CNTNAP5: variants seen among roughly 807,000 people sequenced by gnomAD.
CNTNAP5 encodes contactin associated protein family member 5.
A neutral mutation model predicts 150.2 loss-of-function variants in CNTNAP5; 72 were observed. That is an observed-to-expected ratio of 0.48 (90% CI 0.40 to 0.58). The LOEUF (loss-of-function observed/expected upper bound fraction) is 0.58. Ranked by LOEUF, CNTNAP5 falls within the 20% of genes least tolerant of loss-of-function variation. The probability of loss-of-function intolerance (pLI) is 0.00; values close to 1 mark genes in which losing one functional copy is unlikely to be tolerated. For missense variants in CNTNAP5, 1,636 were observed against 1,626.2 expected (o/e 1.01, Z -0.10); for synonymous variants, 672 against 619.8 (o/e 1.08, Z -1.25).
intron 22 of CNTNAP5, among the ~76,000 whole-genome samples, chr2:124,909,990 C>T (rs1015755853): frequency 1.3e-5 from 2 of 151,628 alleles, no homozygotes; most frequent in African/African-American, 2.4e-5. Context: ...TGAATACCTG[C>T]TCCATGGCCA....
At chr2:124,501,618 G>A (rs1694281481) in intron 7 of CNTNAP5, among the ~76,000 whole-genome samples, 1 of 152,154 alleles carries the variant, frequency 6.6e-6, no homozygotes, top group South Asian at 2.1e-4. Context: ...AGTCCATGTT[G>A]ATTTCAAAAG....
chr2:124,312,801 A>G (rs1441290036), intron 3 of CNTNAP5, among the ~76,000 whole-genome samples: 1 of 152,058 alleles, frequency 6.6e-6, no homozygotes, highest in Non-Finnish European at 1.5e-5. Context: ...CCATCTCCTG[A>G]CCTCGTGATC....
intron 3 of CNTNAP5, among the ~76,000 whole-genome samples, chr2:124,265,922 C>T (rs1687594513): frequency 6.6e-6 from 1 of 152,076 alleles, no homozygotes; most frequent in Admixed American, 6.6e-5. Flanking sequence ...AGGGGACAAA[C>T]TGCAAAGTCC....
chr2:124,371,274 C>G (rs910906587), intron 3 of CNTNAP5, among the ~76,000 whole-genome samples: 6 of 152,112 alleles, frequency 3.9e-5, no homozygotes, highest in African/African-American at 4.8e-5. Flanking sequence ...TGTCCCGAAC[C>G]TCATTAGGTA....
chr2:124,286,713 T>C (rs1485473387), intron 3 of CNTNAP5, among the ~76,000 whole-genome samples: 1 of 152,156 alleles, frequency 6.6e-6, no homozygotes, highest in African/African-American at 2.4e-5. Context: ...CTCCCCATTT[T>C]CTCTGCATAG....
intron 11 of CNTNAP5, among the ~76,000 whole-genome samples, chr2:124,583,750 G>A (rs1696465739): frequency 6.6e-6 from 1 of 152,132 alleles, no homozygotes; most frequent in African/African-American, 2.4e-5. Flanking sequence ...TCATCTCACC[G>A]GTGAGGCAGT....
chr2:124,770,829 G>A (rs1167190147), intron 16 of CNTNAP5, among the ~76,000 whole-genome samples: 2 of 152,192 alleles, frequency 1.3e-5, no homozygotes, highest in African/African-American at 4.8e-5. Flanking sequence ...GTATGTGCCA[G>A]GCACAGTTCT....
intron 1 of CNTNAP5, among the ~76,000 whole-genome samples, chr2:124,152,192 T>G (rs904922157): frequency 8.5e-5 from 13 of 152,208 alleles, no homozygotes; most frequent in African/African-American, 3.1e-4. Context: ...AAACAGGGCT[T>G]GTCTGACTTT....
At chr2:124,064,282 A>C (rs1682096726) in intron 1 of CNTNAP5, among the ~76,000 whole-genome samples, 1 of 152,182 alleles carries the variant, frequency 6.6e-6, no homozygotes, top group South Asian at 2.1e-4. Flanking sequence ...GGCTTAGAAT[A>C]AAGAGCACTA....
chr2:124,100,944 C>T (rs1304149070), intron 1 of CNTNAP5, among the ~76,000 whole-genome samples: 1 of 150,744 alleles, frequency 6.6e-6, no homozygotes, highest in Admixed American at 6.6e-5. Flanking sequence ...TCAAGATTCT[C>T]AATTCTTAAT....
intron 1 of CNTNAP5, among the ~76,000 whole-genome samples, chr2:124,137,427 A>G (rs1558770448): frequency 6.6e-6 from 1 of 152,124 alleles, no homozygotes; most frequent in Non-Finnish European, 1.5e-5. Context: ...GGTGTAGAGA[A>G]AACTTCAGTG....
intron 6 of CNTNAP5, among the ~76,000 whole-genome samples, chr2:124,466,132 GTTTA>G (rs1265640896): frequency 6.6e-6 from 1 of 151,816 alleles, no homozygotes; most frequent in Non-Finnish European, 1.5e-5. Flanking sequence ...TGCCCTCTTT[GTTTA>G]TTTATTTATT....
At chr2:124,708,434 G>A (rs148515208) in intron 13 of CNTNAP5, among the ~76,000 whole-genome samples, 10 of 152,272 alleles carry the variant, frequency 6.6e-5, no homozygotes, top group African/African-American at 2.4e-4. Context: ...TCATGATCTC[G>A]CTGTCATCTC....
chr2:124,874,949 T>G (rs1677823305), intron 21 of CNTNAP5, among the ~76,000 whole-genome samples: 1 of 152,022 alleles, frequency 6.6e-6, no homozygotes, highest in South Asian at 2.1e-4. Flanking sequence ...ATTTCAATAT[T>G]TACTTGCCTC....
intron 1 of CNTNAP5, among the ~76,000 whole-genome samples, chr2:124,092,285 C>T (rs1298319734): frequency 6.6e-6 from 1 of 152,128 alleles, no homozygotes; most frequent in Non-Finnish European, 1.5e-5. Flanking sequence ...AAGACGATAG[C>T]CATCAAGTAG....
At chr2:124,770,515 C>G (rs1231790952) in intron 16 of CNTNAP5, among the ~76,000 whole-genome samples, 1 of 152,194 alleles carries the variant, frequency 6.6e-6, no homozygotes, top group African/African-American at 2.4e-5. Context: ...CAAATTCTCA[C>G]CAATCTTATT....
chr2:124,124,820 A>G (rs1364526485), intron 1 of CNTNAP5, among the ~76,000 whole-genome samples: 1 of 152,236 alleles, frequency 6.6e-6, no homozygotes, highest in Non-Finnish European at 1.5e-5. Context: ...ACTAAGCTTC[A>G]CAAGTGGAGG....
At chr2:124,655,045 C>T (rs964751157) in intron 13 of CNTNAP5, among the ~76,000 whole-genome samples, 4 of 151,908 alleles carry the variant, frequency 2.6e-5, no homozygotes, top group African/African-American at 9.7e-5. Flanking sequence ...GTTACACAGG[C>T]ATACATGTGC....
At chr2:124,408,173 G>A (rs1320504271) in intron 3 of CNTNAP5, among the ~76,000 whole-genome samples, 2 of 152,198 alleles carry the variant, frequency 1.3e-5, no homozygotes, top group Non-Finnish European at 1.5e-5. Flanking sequence ...GCGCTTTTCC[G>A]ACGGGCTTAA....
Sources: gnomAD v4.1 joint callset for allele counts (sites outside exome capture counted in the v4.1 genomes callset) on GRCh38, gnomAD v4.1.1 for gene constraint, MANE v1.5 for transcripts, NCBI Gene and HGNC (gene_info 2026-07-23, HGNC 2026-07-21) for gene names.